ALMS1: variants seen among roughly 807,000 people sequenced by gnomAD.
ALMS1 encodes the protein ALMS1 centrosome and basal body associated protein, also known as centrosome-associated protein ALMS1.
In ALMS1, 271 loss-of-function variants were observed where a neutral mutation model predicts 352.2. That is an observed-to-expected ratio of 0.77 (90% CI 0.70 to 0.85). ALMS1 has a LOEUF of 0.85. Ranked by LOEUF, ALMS1 falls within the 40% of genes least tolerant of loss-of-function variation. The pLI is 0.00. For synonymous variants in ALMS1, 1,865 were observed against 1,761.2 expected (o/e 1.06, Z -1.48); for missense variants, 5,445 against 4,870.7 (o/e 1.12, Z -3.51).
intron 2 of ALMS1, among the ~76,000 whole-genome samples, chr2:73,411,712 T>G (rs1465887164): frequency 2.0e-5 from 3 of 152,230 alleles, no homozygotes; most frequent in African/African-American, 7.2e-5. Context: ...CTTTATTTAT[T>G]CATGGAAAAC....
chr2:73,534,206 A>C lies in ALMS1; in HGVS notation c.9782-618A>C, dbSNP rs76111225. On this transcript the variant is annotated intron_variant, in intron 11 of 22. Coordinates refer to ENST00000613296, the MANE Select transcript of ALMS1 (RefSeq NM_001378454.1). ...GGAAAAGATGGGTAAGTTATACATT[A>C]AAATGTTAACAATAATTATCCTTGA... Among the ~76,000 whole-genome samples the C allele has an allele frequency of 3.7e-3, 558 of 152,320 alleles. 29 individuals are homozygous for C. In the East Asian group the frequency reaches 0.098, roughly 27 times the overall value.
chr2:73,412,101 T>C (rs1383799436), intron 2 of ALMS1, among the ~76,000 whole-genome samples: 3 of 152,216 alleles, frequency 2.0e-5, no homozygotes, highest in Non-Finnish European at 4.4e-5. Context: ...GTTAAACATA[T>C]CAAAATTTAC....
chr2:73,550,355 TAAA>T lies in ALMS1; in HGVS notation c.9997_9999del (p.Lys3333del). 2.5e-6 allele frequency: 4 copies of T among 1,614,166 alleles called. No homozygotes were observed. Among genetic ancestry groups the T allele is most frequent in the Non-Finnish European group, 3.4e-6 (4 of 1,180,028 alleles). On this transcript the variant is annotated inframe_deletion, in exon 13 of 23. Coordinates refer to ENST00000613296, the MANE Select transcript of ALMS1 (RefSeq NM_001378454.1). Reference sequence around the variant, plus strand: ...TCTCAGCCACTGTTAACATTAAACATAAAGAAGGAATCTACAGTAAGAGGGTAG... The same window carrying T: ...TCTCAGCCACTGTTAACATTAAACATGAAGGAATCTACAGTAAGAGGGTAG...
chr2:73,572,960 A>G lies in ALMS1; in HGVS notation c.11083A>G (p.Ser3695Gly). The G allele has an allele frequency of 1.2e-6, 2 of 1,614,192 alleles. No homozygotes were observed. Among genetic ancestry groups the G allele is most frequent in the Non-Finnish European group, 8.5e-7 (1 of 1,180,020 alleles). Residue 3695 changes from serine (S) to glycine (G), a missense_variant, in exon 16 of 23, where the codon AGC becomes GGC. Ser to Gly is a moderately conservative substitution (Grantham distance 56). Transcript: ENST00000613296. The part of the protein sequence containing the change: ...SHKNTGELKK[S>G]KVLSHHRAGR... The stretch of plus-strand genomic sequence containing the variant: ...TAAAAATACAGGCGAGCTTAAAAAA[A>G]GCAAGGTGCTTTCTCATCATCGAGC...
chr2:73,532,858 C>T (rs867571929), intron 11 of ALMS1, among the ~76,000 whole-genome samples: 3 of 152,258 alleles, frequency 2.0e-5, no homozygotes, highest in African/African-American at 4.8e-5. Context: ...GAAGCCAGCA[C>T]ATCTCTGAGT....
In ALMS1 at chr2:73,423,773, G is replaced by C. The variant is rs74884525; in HGVS notation, c.765-657G>C. 7.3e-5 allele frequency among the ~76,000 whole-genome samples: 11 copies of C among 151,386 alleles called. No homozygotes were observed. In the East Asian group the frequency reaches 1.7e-3, roughly 24 times the overall value. ...GTGGTTTCTTTCTCTTTCTCTTTTT[G>C]TTTGTTTGCTTTTTTTTTTCTTTAG... is the stretch of plus-strand genomic sequence containing the variant. On this transcript the variant is annotated intron_variant, in intron 4 of 22. Coordinates refer to ENST00000613296, the MANE Select transcript of ALMS1 (RefSeq NM_001378454.1).
chr2:73,453,414 A>G lies in ALMS1; in HGVS notation c.6887A>G (p.Gln2296Arg). The change falls in exon 8 of 23, where the codon CAA (glutamine) becomes CGA (arginine). Residue 2296 changes from glutamine to arginine, a missense_variant. Coordinates refer to ENST00000613296, the MANE Select transcript of ALMS1 (RefSeq NM_001378454.1). Reference protein sequence around the residue: ...FRDISDISFIQSKKVVCFKEP... With the variant: ...FRDISDISFIRSKKVVCFKEP... Reference sequence around the variant, plus strand: ...GATATTAGTGATATTTCATTTATACAATCTAAGAAGGTGGTTTGCTTCAAA... The same window carrying G: ...GATATTAGTGATATTTCATTTATACGATCTAAGAAGGTGGTTTGCTTCAAA... 6.2e-7 allele frequency: 1 copy of G among 1,613,640 alleles called. No individual in the cohort carries two copies. Among genetic ancestry groups the G allele is most frequent in the East Asian group, 2.2e-5 (1 of 44,852 alleles).
At chr2:73,425,041 G>T in intron 5 of ALMS1, 139 bp downstream of exon 5, 1 of 630,592 alleles carries the variant, frequency 1.6e-6, no homozygotes, top group South Asian at 2.6e-5. Context: ...CCAGAAACGT[G>T]TGTAATCAGT....
At position 73,489,735 on chromosome 2, in the gene ALMS1, T is replaced by G. The variant is rs1672934351; in HGVS notation, c.7776T>G (p.Ser2592=). ...AGGGATGTTTCCGGACTCTAACTTCTGAACATCCACAACTAGATAGACACC... is the reference window on the plus strand; with the variant it reads ...AGGGATGTTTCCGGACTCTAACTTCGGAACATCCACAACTAGATAGACACC... ...HEKGCFRTLT[S]EHPQLDRHPC... The change falls in exon 10 of 23, where the codon TCT becomes TCG. Residue 2592 remains serine (S), a synonymous_variant. Coordinates refer to ENST00000613296, the MANE Select transcript of ALMS1 (RefSeq NM_001378454.1). The G allele has an allele frequency of 6.2e-7, 1 of 1,614,042 alleles. No homozygotes were observed. Among genetic ancestry groups the G allele is most frequent in the African/African-American group, 1.3e-5 (1 of 74,910 alleles).
intron 12 of ALMS1, among the ~76,000 whole-genome samples, chr2:73,548,019 G>A (rs1403435619): frequency 6.6e-6 from 1 of 152,120 alleles, no homozygotes; most frequent in Non-Finnish European, 1.5e-5. Context: ...GTGAATAGAG[G>A]TGCCATTTAC....
At chr2:73,535,990 A>G (rs1163413653) in intron 12 of ALMS1, among the ~76,000 whole-genome samples, 3 of 152,132 alleles carry the variant, frequency 2.0e-5, no homozygotes, top group Non-Finnish European at 4.4e-5. Context: ...AAAGCCTCTG[A>G]TACAACCTCG....
rs561060460 is a variant in ALMS1 at position 73,449,020 on chromosome 2, C to T, written c.2493C>T (p.Pro831=). The T allele has an allele frequency of 3.4e-5, 55 of 1,613,414 alleles. No homozygotes were observed. The South Asian group carries it at 4.4e-4, about 13-fold the overall frequency. ...AGGCCTTGCTGGACAGCCATCTACC[C>T]GAAGAGGCTCTGAAAGTTTCAGCTG... ...YQQALLDSHL[P]EEALKVSAVS... The change falls in exon 8 of 23, where the codon CCC becomes CCT. Residue 831 remains proline, a synonymous_variant. Transcript: ENST00000613296.
intron 15 of ALMS1, among the ~76,000 whole-genome samples, chr2:73,571,009 T>G (rs1033949501): frequency 2.6e-5 from 4 of 152,222 alleles, no homozygotes; most frequent in Admixed American, 2.0e-4. Flanking sequence ...TAGAATTATA[T>G]ATTTGTTTGC....
At chr2:73,437,966 C>G (rs929197505) in intron 7 of ALMS1, among the ~76,000 whole-genome samples, 2 of 152,166 alleles carry the variant, frequency 1.3e-5, no homozygotes, top group African/African-American at 4.8e-5. Flanking sequence ...AAATCACGCT[C>G]TTTTCTTGCT....
At chr2:73,554,231 C>CA (rs772330546) in intron 13 of ALMS1, among the ~76,000 whole-genome samples, 242 of 91,248 alleles carry the variant, frequency 2.7e-3, no homozygotes, top group Middle Eastern at 0.024. Flanking sequence ...AATTCCAGGA[C>CA]AAAAAAAAAA....
intron 10 of ALMS1, among the ~76,000 whole-genome samples, chr2:73,507,498 C>A (rs1673352890): frequency 6.6e-6 from 1 of 152,108 alleles, no homozygotes; most frequent in Admixed American, 6.6e-5. Flanking sequence ...CTGGTTTAGT[C>A]TTGGGAGGGT....
chr2:73,457,147 A>C (rs1168692514), intron 9 of ALMS1: 2 of 152,212 alleles, frequency 1.3e-5, no homozygotes, highest in African/African-American at 4.8e-5. Context: ...GTAGGAAAAA[A>C]GCAAAGCAAA....
chr2:73,397,499 C>G (rs769157729), intron 1 of ALMS1, among the ~76,000 whole-genome samples: 1 of 151,840 alleles, frequency 6.6e-6, no homozygotes, highest in South Asian at 2.1e-4. Context: ...TGGTGTTTCG[C>G]TCTTGTTGCC....
chr2:73,532,719 C>T (rs1274040610), intron 11 of ALMS1, among the ~76,000 whole-genome samples: 1 of 152,108 alleles, frequency 6.6e-6, no homozygotes, highest in Non-Finnish European at 1.5e-5. Context: ...TTGTACTCTA[C>T]CCCTCTGTGG....
Sources: gnomAD v4.1 joint callset for allele counts (sites outside exome capture counted in the v4.1 genomes callset) on GRCh38, gnomAD v4.1.1 for gene constraint, MANE v1.5 for transcripts, NCBI Gene and HGNC (gene_info 2026-07-23, HGNC 2026-07-21) for gene names.